Variants in MC2R observed in about 807,000 individuals in gnomAD.
The protein encoded by MC2R is melanocortin 2 receptor.
MC2R carries 9 observed loss-of-function variants against 9.8 expected under a neutral mutation model. The observed-to-expected ratio is 0.92, with a 90% CI of 0.55 to 1.60. The LOEUF is 1.60. Ranked by LOEUF, MC2R falls within the 40% of genes most tolerant of loss-of-function variation. The pLI is 0.00. For synonymous variants in MC2R, 185 were observed against 154.7 expected (o/e 1.20, Z -1.45); for missense variants, 370 against 389.0 (o/e 0.95, Z 0.41).
intron 1 of MC2R, among the ~76,000 whole-genome samples, chr18:13,893,877 T>A (rs929750023): frequency 1.3e-5 from 2 of 152,198 alleles, no homozygotes; most frequent in Admixed American, 6.5e-5. Context: ...GGAGTGATAC[T>A]CTGTTATGGA....
In MC2R at chr18:13,885,619, G is replaced by C; in HGVS notation, c.-101C>G. On this transcript the variant is annotated 5_prime_UTR_variant, in exon 2 of 2. Coordinates refer to ENST00000327606, the MANE Select transcript of MC2R (RefSeq NM_000529.2). The stretch of plus-strand genomic sequence containing the variant: ...CTTTTCTTCCTTGTAGCACTTGCTG[G>C]AGATCTAAGTTAAAATCTCCCAATC... 1 of 1,325,388 alleles carries C rather than the reference G, an allele frequency of 7.5e-7. No homozygotes were observed. The highest frequency in any genetic ancestry group is 1.3e-5 in the South Asian group (1 of 79,960). The allele number at this position is 1,325,388 out of a possible 1,614,324, so 82.1% of individuals were successfully genotyped here.
intron 1 of MC2R, among the ~76,000 whole-genome samples, chr18:13,894,342 A>G (rs1190350765): frequency 2.0e-5 from 3 of 152,216 alleles, no homozygotes; most frequent in East Asian, 1.9e-4. Context: ...CAAACATATG[A>G]GAGCTTTTCG....
In MC2R at chr18:13,885,478, G is replaced by A; in HGVS notation, c.41C>T (p.Thr14Ile). 1 of 1,614,180 alleles carries A rather than the reference G, an allele frequency of 6.2e-7. No individual in the cohort carries two copies. Among genetic ancestry groups the A allele is most frequent in the East Asian group, 2.2e-5 (1 of 44,872 alleles). ...IINSYENINN[T>I]ARNNSDCPRV... ...AGGACAGTCGGAATTATTTCTTGCT[G>A]TGTTGTTGATGTTTTCATACGAGTT... The change falls in exon 2 of 2, where the codon ACA becomes ATA. Residue 14 changes from threonine to isoleucine, a missense_variant. Physicochemically the swap from Thr to Ile is moderately conservative, Grantham distance 89. Transcript: ENST00000327606.
chr18:13,906,039 A>C (rs1030582307), intron 1 of MC2R, among the ~76,000 whole-genome samples: 2 of 152,250 alleles, frequency 1.3e-5, no homozygotes, highest in East Asian at 3.9e-4. Flanking sequence ...GTGCCATTGC[A>C]CTCCACCCTG....
chr18:13,895,416 A>G (rs1016775433), intron 1 of MC2R, among the ~76,000 whole-genome samples: 9 of 152,178 alleles, frequency 5.9e-5, no homozygotes. Flanking sequence ...AGTTCTGCAG[A>G]GTCCCTGAAA....
chr18:13,892,896 G>A (rs1452350145), intron 1 of MC2R, among the ~76,000 whole-genome samples: 1 of 151,800 alleles, frequency 6.6e-6, no homozygotes, highest in African/African-American at 2.4e-5. Flanking sequence ...GTGTGGTCAT[G>A]GCTCACTGCA....
At chr18:13,895,976 T>C (rs1021078791) in intron 1 of MC2R, among the ~76,000 whole-genome samples, 1 of 152,236 alleles carries the variant, frequency 6.6e-6, no homozygotes. Context: ...CAGAGGAAGA[T>C]ACTGGCTCTT....
chr18:13,900,371 A>G (rs1473426077), intron 1 of MC2R, among the ~76,000 whole-genome samples: 1 of 152,080 alleles, frequency 6.6e-6, no homozygotes, highest in South Asian at 2.1e-4. Context: ...CAGAAAGCAA[A>G]TAACAAAATG....
At chr18:13,891,251 C>T (rs933216485) in intron 1 of MC2R, among the ~76,000 whole-genome samples, 1 of 152,182 alleles carries the variant, frequency 6.6e-6, no homozygotes, top group African/African-American at 2.4e-5. Context: ...ATCACTTCCT[C>T]CTCCCTCTTC....
chr18:13,884,911 T>A lies in MC2R; in HGVS notation c.608A>T (p.His203Leu), dbSNP rs769024917. 6.2e-6 allele frequency: 10 copies of A among 1,613,088 alleles called. No individual in the cohort carries two copies. The South Asian group carries it at 1.1e-4, about 18-fold the overall frequency. ...YVHMFLLARS[H>L]TRKISTLPRA... ...GGGGAGGGTGGAGATCTTCCTGGTG[T>A]GGGATCGAGCCAGCAGGAACATGTG... Residue 203 changes from histidine (H) to leucine (L), a missense_variant, in exon 2 of 2, where the codon CAC (histidine) becomes CTC (leucine). His to Leu is a moderately conservative substitution (Grantham distance 99). Transcript: ENST00000327606.
rs951145782 is a variant in MC2R, at chr18:13,883,859, G to A, written c.*766C>T. 1.3e-5 allele frequency: 2 copies of A among 152,462 alleles called. No individual in the cohort carries two copies. The highest frequency in any genetic ancestry group is 2.9e-5 in the Non-Finnish European group (2 of 68,270). 9.4% of individuals were successfully genotyped at this position (152,462 alleles called of 1,614,324 possible). ...TTTGAAATGTATGCTCATAAAGCAT[G>A]AGGAAATGTAACAGGAAAGGGTTTT... On this transcript the variant is annotated 3_prime_UTR_variant, in exon 2 of 2. Coordinates refer to ENST00000327606, the MANE Select transcript of MC2R (RefSeq NM_000529.2).
rs994135096 is a variant in MC2R, at chr18:13,882,953, C to A, written c.*1672G>T. On this transcript the variant is annotated 3_prime_UTR_variant, in exon 2 of 2. Coordinates refer to ENST00000327606, the MANE Select transcript of MC2R (RefSeq NM_000529.2). ...ACAGAACAGAGGACAAGAAGGTGCA[C>A]CTTTCACCTCCATCTGTGGGACAGG... The A allele has an allele frequency of 3.3e-5, 5 of 152,180 alleles. No individual in the cohort carries two copies. Among genetic ancestry groups the A allele is most frequent in the African/African-American group, 1.2e-4 (5 of 41,420 alleles). 9.4% of individuals were successfully genotyped at this position (152,180 alleles called of 1,614,324 possible).
rs1458674087 is a variant in MC2R, at chr18:13,885,009, A to T, written c.510T>A (p.His170Gln). 1.2e-5 allele frequency: 20 copies of T among 1,614,158 alleles called. No homozygotes were observed. Among genetic ancestry groups the T allele is most frequent in the Non-Finnish European group, 1.6e-5 (19 of 1,180,026 alleles). ...TGAAGGTGATCACTGTGGGCACATGATGGGAGAAGATCACCATGGTGATGC... is the reference window on the plus strand; with the variant it reads ...TGAAGGTGATCACTGTGGGCACATGTTGGGAGAAGATCACCATGGTGATGC... ...GTGITMVIFS[H>Q]HVPTVITFTS... is the part of the protein sequence containing the mutation. Residue 170 changes from histidine to glutamine, a missense_variant, in exon 2 of 2, where the codon CAT becomes CAA. Physicochemically the swap from His to Gln is conservative, Grantham distance 24. Transcript: ENST00000327606.
chr18:13,887,909 T>C (rs935448193), intron 1 of MC2R, among the ~76,000 whole-genome samples: 20 of 152,094 alleles, frequency 1.3e-4, no homozygotes, highest in Admixed American at 1.2e-3. Flanking sequence ...TTCCTTATAG[T>C]AAATCTTTTA....
intron 1 of MC2R, among the ~76,000 whole-genome samples, chr18:13,894,998 T>TA (rs1210289718): frequency 6.6e-6 from 1 of 152,218 alleles, no homozygotes; most frequent in African/African-American, 2.4e-5. Context: ...GCTTTAAGTG[T>TA]AGATGTCTTG....
chr18:13,912,193 T>C (rs964131726), intron 1 of MC2R, among the ~76,000 whole-genome samples: 3 of 152,208 alleles, frequency 2.0e-5, no homozygotes, highest in African/African-American at 7.2e-5. Flanking sequence ...ATGGTTTCTC[T>C]TGCAATGTTA....
chr18:13,896,457 T>C (rs1245056651), intron 1 of MC2R, among the ~76,000 whole-genome samples: 6 of 152,178 alleles, frequency 3.9e-5, no homozygotes, highest in African/African-American at 1.4e-4. Context: ...ATTAAGCAAA[T>C]AGTTTTCTTT....
At chr18:13,886,333 A>G (rs79545799) in intron 1 of MC2R, among the ~76,000 whole-genome samples, 1,529 of 152,358 alleles carry the variant, frequency 0.01, 24 homozygotes, top group African/African-American at 0.035. Flanking sequence ...GATAGCAAAG[A>G]TTATTCTTTG....
chr18:13,889,521 G>A (rs575930951), intron 1 of MC2R, among the ~76,000 whole-genome samples: 115 of 152,198 alleles, frequency 7.6e-4, no homozygotes, highest in African/African-American at 2.6e-3. Flanking sequence ...TTTTTGGCTG[G>A]GAGGGGCGCA....
Sources: gnomAD v4.1 joint callset for allele counts (sites outside exome capture counted in the v4.1 genomes callset) on GRCh38, gnomAD v4.1.1 for gene constraint, MANE v1.5 for transcripts, NCBI Gene and HGNC (gene_info 2026-07-23, HGNC 2026-07-21) for gene names.